Variants in BCAM observed in about 807,000 individuals in gnomAD.
BCAM encodes the protein basal cell adhesion molecule (Lutheran blood group), also known as basal cell adhesion molecule.
In BCAM, 61 loss-of-function variants were observed where a neutral mutation model predicts 72.4. The observed-to-expected ratio is 0.84, with a 90% CI of 0.69 to 1.04. The LOEUF is 1.04. BCAM is among the 50% of genes least tolerant of loss of function. The pLI, the probability that BCAM is intolerant of heterozygous loss-of-function variation, is 0.00. For synonymous variants in BCAM, 408 were observed against 384.2 expected (o/e 1.06, Z -0.73); for missense variants, 909 against 895.0 (o/e 1.02, Z -0.20).
At chr19:44,811,564 C>A in intron 2 of BCAM, 1 of 632,080 alleles carries the variant, frequency 1.6e-6, no homozygotes, top group Non-Finnish European at 2.6e-6. Flanking sequence ...GGACTGCGGG[C>A]TCTTGAGAGA....
chr19:44,819,113 A>G lies in BCAM; in HGVS notation c.1394A>G (p.Glu465Gly). The G allele has an allele frequency of 6.2e-7, 1 of 1,614,052 alleles. No homozygotes were observed. The highest frequency in any genetic ancestry group is 1.3e-5 in the African/African-American group (1 of 75,018). ...IEPKADGSWREGDEVTLICSA... is the reference protein window; with the variant it reads ...IEPKADGSWRGGDEVTLICSA... ...CCCAAGGCAGATGGCAGCTGGAGGG[A>G]AGGAGACGAAGTCACACTCATCTGC... The change falls in exon 11 of 15, where the codon GAA (glutamate) becomes GGA (glycine). Residue 465 changes from glutamate (E) to glycine (G), a missense_variant. Coordinates refer to ENST00000270233, the MANE Select transcript of BCAM (RefSeq NM_005581.5).
Position 44,813,461 on chromosome 19 carries a change from G to T in BCAM, c.625G>T (p.Val209Phe). The T allele has an allele frequency of 1.2e-6, 2 of 1,611,826 alleles. No individual in the cohort carries two copies. Among genetic ancestry groups the T allele is most frequent in the Non-Finnish European group, 8.5e-7 (1 of 1,179,824 alleles). The change falls in exon 6 of 15, where the codon GTC becomes TTC. Residue 209 changes from valine to phenylalanine, a missense_variant. Physicochemically the swap from Val to Phe is conservative, Grantham distance 50 (BLOSUM62 -1). Coordinates refer to ENST00000270233, the MANE Select transcript of BCAM (RefSeq NM_005581.5). This position sits in a 1 kb window ranked among gnomAD's most constrained non-coding sequence, Gnocchi z 4.2. ...NPEGYMTSRT[V>F]REASGLLSLT... ...AGAGGGCTACATGACCAGCCGCACG[G>T]TCCGGGAGGCCTCGGGCCTGCTCTC...
rs1968542674 is a variant in BCAM, at chr19:44,819,104, G to A, written c.1385G>A (p.Ser462Asn). ...TAEIEPKADG[S>N]WREGDEVTLI... ...GAAATAGAGCCCAAGGCAGATGGCA[G>A]CTGGAGGGAAGGAGACGAAGTCACA... is the stretch of plus-strand genomic sequence containing the variant. Residue 462 changes from serine to asparagine, a missense_variant, in exon 11 of 15, where the codon AGC becomes AAC. Physicochemically the swap from Ser to Asn is conservative, Grantham distance 46. Coordinates refer to ENST00000270233, the MANE Select transcript of BCAM (RefSeq NM_005581.5). 2 of 1,614,014 alleles carry A rather than the reference G, an allele frequency of 1.2e-6. No individual in the cohort carries two copies. The highest frequency in any genetic ancestry group is 1.7e-5 in the Admixed American group (1 of 59,986).
rs199612193 is a variant in BCAM, at chr19:44,814,910, T to TG, written c.1078+150_1078+151insG. On this transcript the variant is annotated intron_variant, in intron 8 of 14. Coordinates refer to ENST00000270233, the MANE Select transcript of BCAM (RefSeq NM_005581.5). This position sits in a 1 kb window ranked among gnomAD's most constrained non-coding sequence, Gnocchi z 4.6. ...ATTTCTTGGGGGTTTTTTTGGTTGT[T>TG]TTTTTTTTTTTTTTTTTCCCAGAGA... 4.3e-4 allele frequency: 261 copies of TG among 610,232 alleles called. 1 individual carries two copies. Among genetic ancestry groups the TG allele is most frequent in the African/African-American group, 3.4e-3 (162 of 48,054 alleles). The allele number at this position is 610,232 out of a possible 1,614,324, so 37.8% of individuals were successfully genotyped here.
At position 44,813,284 on chromosome 19, in the gene BCAM, C is replaced by T; in HGVS notation, c.539C>T (p.Ala180Val). The change falls in exon 5 of 15, where the codon GCC becomes GTC. Residue 180 changes from alanine to valine, a missense_variant. By Grantham distance (64) the Ala-to-Val change is moderately conservative. Transcript: ENST00000270233. This position sits in a 1 kb window ranked among gnomAD's most constrained non-coding sequence, Gnocchi z 4.2. The part of the protein sequence containing the change: ...ATCNSRNGNP[A>V]PKITWYRNGQ... ...TGCAACAGCCGGAACGGGAACCCGG[C>T]CCCCAAGATCACGTGGTATCGCAAC... 6.2e-7 allele frequency: 1 copy of T among 1,614,120 alleles called. No homozygotes were observed. Among genetic ancestry groups the T allele is most frequent in the Non-Finnish European group, 8.5e-7 (1 of 1,180,020 alleles).
intron 8 of BCAM, among the ~76,000 whole-genome samples, chr19:44,815,373 T>A (rs1436586454): frequency 2.0e-5 from 3 of 152,102 alleles, no homozygotes; most frequent in African/African-American, 7.2e-5. Flanking sequence ...TTCTTACATA[T>A]CCCTTCCTGG....
At position 44,812,966 on chromosome 19, in the gene BCAM, A is replaced by AT; in HGVS notation, c.505-284_505-283insT. The AT allele has an allele frequency of 1.4e-5, 5 of 352,104 alleles. No individual in the cohort carries two copies. Among genetic ancestry groups the AT allele is most frequent in the East Asian group, 5.5e-5 (1 of 18,236 alleles). 21.8% of individuals were successfully genotyped at this position (352,104 alleles called of 1,614,324 possible). ...CTCCGTCTCAAAAAAAAAAAAAAAA[A>AT]GAAGAAGAAAAGAAAAAAGAAAGGA... On this transcript the variant is annotated intron_variant, in intron 4 of 14. Coordinates refer to ENST00000270233, the MANE Select transcript of BCAM (RefSeq NM_005581.5). The surrounding 1 kb of genome is among the most constrained non-coding windows in gnomAD (Gnocchi z 5.3).
intron 8 of BCAM, among the ~76,000 whole-genome samples, chr19:44,817,415 T>C (rs1968516788): frequency 6.6e-6 from 1 of 151,264 alleles, no homozygotes; most frequent in South Asian, 2.1e-4. Flanking sequence ...GTTCAAGAGG[T>C]GGGTGAGGGC....
In BCAM at chr19:44,812,190, C is replaced by T. The variant is rs760755283; in HGVS notation, c.232C>T (p.Leu78=). Residue 78 remains leucine, a synonymous_variant, in exon 3 of 15, where the codon CTA becomes TTA. Coordinates refer to ENST00000270233, the MANE Select transcript of BCAM (RefSeq NM_005581.5). The surrounding 1 kb of genome is among the most constrained non-coding windows in gnomAD (Gnocchi z 5.3). ...CGACCGCTCGGGAGCTCGCCCCCGC[C>T]TAGCCTCGGCTGAGATGCAGGGCTC... ...LTDRSGARPR[L]ASAEMQGSEL... 55 of 1,604,094 alleles carry T rather than the reference C, an allele frequency of 3.4e-5. No homozygotes were observed. Among genetic ancestry groups the T allele is most frequent in the Non-Finnish European group, 4.5e-5 (53 of 1,177,780 alleles).
chr19:44,812,560 G>C lies in BCAM; in HGVS notation c.504+12G>C, dbSNP rs199993941. 1.9e-4 allele frequency: 314 copies of C among 1,613,880 alleles called. No homozygotes were observed. The highest frequency in any genetic ancestry group is 1.6e-4 in the Non-Finnish European group (191 of 1,179,920). On this transcript the variant is annotated intron_variant, in intron 4 of 14. Coordinates refer to ENST00000270233, the MANE Select transcript of BCAM (RefSeq NM_005581.5). The surrounding 1 kb of genome is among the most constrained non-coding windows in gnomAD (Gnocchi z 5.3). ...ACTCTGCCCAGGAGGTACCTCTCGG[G>C]TGGACCTTGGCCCCAGGGTCCTGGA...
rs1968548053 is a variant in BCAM at position 44,819,388 on chromosome 19, T to A, written c.1516T>A (p.Ser506Thr). Residue 506 changes from serine to threonine, a missense_variant, in exon 12 of 15, where the codon TCT becomes ACT. By Grantham distance (58) the Ser-to-Thr change is moderately conservative. Transcript: ENST00000270233. ...CGGACGGCAGGGTTGGGTGAGCAGC[T>A]CTCTGACCCTGAAAGTGACCAGCGC... is the stretch of plus-strand genomic sequence containing the variant. The part of the protein sequence containing the change: ...IPGRQGWVSS[S>T]LTLKVTSALS... The A allele has an allele frequency of 6.2e-7, 1 of 1,613,976 alleles. No individual in the cohort carries two copies. Among genetic ancestry groups the A allele is most frequent in the Non-Finnish European group, 8.5e-7 (1 of 1,179,932 alleles).
At chr19:44,811,196 T>C in intron 1 of BCAM, 29 bp from the exon 2 acceptor site, 1 of 1,610,996 alleles carries the variant, frequency 6.2e-7, no homozygotes, top group Non-Finnish European at 8.5e-7. Flanking sequence ...GTTGGTGTGG[T>C]GGATGATAGC....
chr19:44,819,098 A>ATGGCAGC lies in BCAM; in HGVS notation c.1383_1389dup (p.Arg464GlnfsTer62), dbSNP rs1568574465. 1 of 1,614,084 alleles carries ATGGCAGC rather than the reference A, an allele frequency of 6.2e-7. No individual in the cohort carries two copies. Among genetic ancestry groups the ATGGCAGC allele is most frequent in the Non-Finnish European group, 8.5e-7 (1 of 1,179,992 alleles). On this transcript the variant is annotated frameshift_variant, in exon 11 of 15. Coordinates refer to ENST00000270233, the MANE Select transcript of BCAM (RefSeq NM_005581.5). LOFTEE classifies it high-confidence loss of function. Reference sequence around the variant, plus strand: ...ACAGCGGAAATAGAGCCCAAGGCAGATGGCAGCTGGAGGGAAGGAGACGAA... The same window carrying ATGGCAGC: ...ACAGCGGAAATAGAGCCCAAGGCAGATGGCAGCTGGCAGCTGGAGGGAAGGAGACGAA...
Position 44,820,788 on chromosome 19 carries a change from G to T in BCAM, c.1847G>T (p.Gly616Val). 6.6e-7 allele frequency: 1 copy of T among 1,505,614 alleles called. No individual in the cohort carries two copies. The highest frequency in any genetic ancestry group is 2.6e-5 in the East Asian group (1 of 39,078). The allele number at this position is 1,505,614 out of a possible 1,614,324, so 93.3% of individuals were successfully genotyped here. ...CTTCTCATGGGAGGTGCCTCCGGAG[G>T]AGCCAGGGGTGGCAGCGGGGGCTTC... ...TGLLMGGASGGARGGSGGFGD... is the reference protein window; with the variant it reads ...TGLLMGGASGVARGGSGGFGD... Residue 616 changes from glycine to valine, a missense_variant, in exon 14 of 15, where the codon GGA (glycine) becomes GTA (valine). By Grantham distance (109) the Gly-to-Val change is moderately radical (BLOSUM62 -3). Transcript: ENST00000270233.
At chr19:44,809,293 C>A in intron 1 of BCAM, 87 bp downstream of exon 1, 1 of 1,177,438 alleles carries the variant, frequency 8.5e-7, no homozygotes. Context: ...TTACCCTGAC[C>A]CCAGGAAGCA....
chr19:44,813,369 G>C lies in BCAM; in HGVS notation c.601+23G>C. The C allele has an allele frequency of 1.3e-5, 21 of 1,611,450 alleles. No individual in the cohort carries two copies. Among genetic ancestry groups the C allele is most frequent in the Non-Finnish European group, 1.7e-5 (20 of 1,178,624 alleles). On this transcript the variant is annotated intron_variant, in intron 5 of 14. Coordinates refer to ENST00000270233, the MANE Select transcript of BCAM (RefSeq NM_005581.5). This position sits in a 1 kb window ranked among gnomAD's most constrained non-coding sequence, Gnocchi z 4.2. Reference sequence around the variant, plus strand: ...CAGGTGAGCAGCGCAGGAGCGCGGCGGGACGTGGGCTGGGGTGGGTGGCGG... The same window carrying C: ...CAGGTGAGCAGCGCAGGAGCGCGGCCGGACGTGGGCTGGGGTGGGTGGCGG...
chr19:44,818,566 C>A lies in BCAM; in HGVS notation c.1123C>A (p.Pro375Thr). Residue 375 changes from proline to threonine, a missense_variant, in exon 9 of 15, where the codon CCT (proline) becomes ACT (threonine). Transcript: ENST00000270233. This position sits in a 1 kb window ranked among gnomAD's most constrained non-coding sequence, Gnocchi z 4.6. ...CAGCGAGGGGAAGGTGCTTTCCTTA[C>A]CTCTAAACAGCAGTGCAGTCGTGAA... ...ELSEGKVLSL[P>T]LNSSAVVNCS... is the part of the protein sequence containing the mutation. 1.2e-6 allele frequency: 2 copies of A among 1,614,072 alleles called. No homozygotes were observed. Among genetic ancestry groups the A allele is most frequent in the Non-Finnish European group, 1.7e-6 (2 of 1,179,976 alleles).
chr19:44,813,676 T>A lies in BCAM; in HGVS notation c.784+56T>A. 2 of 1,570,208 alleles carry A rather than the reference T, an allele frequency of 1.3e-6. No individual in the cohort carries two copies. Among genetic ancestry groups the A allele is most frequent in the Middle Eastern group, 1.7e-4 (1 of 5,864 alleles). On this transcript the variant is annotated intron_variant, in intron 6 of 14. Transcript: ENST00000270233. The surrounding 1 kb of genome is among the most constrained non-coding windows in gnomAD (Gnocchi z 4.2). ...CTCAGGCTCCACACCTCATGAGGCC[T>A]GACCCTCCACCCGGGGGCTTCACAC... is the stretch of plus-strand genomic sequence containing the variant.
In BCAM at chr19:44,818,871, T is replaced by A. The variant is rs1281704137; in HGVS notation, c.1325T>A (p.Leu442Gln). ...CTCAGCCGCACCCAGAACTTCACGC[T>A]GCTGGTCCAAGGTTCAGGGGGCAGG... The part of the protein sequence containing the change: ...PVLSRTQNFT[L>Q]LVQGSPELKT... The change falls in exon 10 of 15, where the codon CTG (leucine) becomes CAG (glutamine). Residue 442 changes from leucine (L) to glutamine (Q), a missense_variant. Physicochemically the swap from Leu to Gln is moderately radical, Grantham distance 113. Transcript: ENST00000270233. The surrounding 1 kb of genome is among the most constrained non-coding windows in gnomAD (Gnocchi z 4.6). The A allele has an allele frequency of 1.9e-6, 3 of 1,613,796 alleles. No homozygotes were observed. The highest frequency in any genetic ancestry group is 2.5e-6 in the Non-Finnish European group (3 of 1,179,918).
Sources: gnomAD v4.1 joint callset for allele counts (sites outside exome capture counted in the v4.1 genomes callset) on GRCh38, gnomAD v4.1.1 for gene constraint, Gnocchi (gnomAD v3.1) non-coding constraint, MANE v1.5 for transcripts, NCBI Gene and HGNC (gene_info 2026-07-23, HGNC 2026-07-21) for gene names.